The following HS3ST5 variants were observed in gnomAD, a reference collection of about 807,000 sequenced individuals.
HS3ST5 encodes heparan sulfate glucosamine 3-O-sulfotransferase 5.
HS3ST5 carries 10 observed loss-of-function variants against 25.4 expected under a neutral mutation model. The observed-to-expected ratio is 0.39, with a 90% CI of 0.24 to 0.67. HS3ST5 has a LOEUF of 0.67. Among genes scored for constraint, HS3ST5 ranks in the 30% least tolerant of loss-of-function variants. The pLI is 0.44. For synonymous variants in HS3ST5, 170 were observed against 162.4 expected (o/e 1.05, Z -0.36); for missense variants, 324 against 420.7 (o/e 0.77, Z 2.01).
Position 114,181,907 on chromosome 6 carries a change from C to T in HS3ST5, c.-144-13445G>A, listed in dbSNP as rs201714689. On this transcript the variant is annotated intron_variant, in intron 2 of 4. Transcript: ENST00000312719. ...GTATGTGTGTGTGTGTGTGTGTGTA[C>T]GCACGCACACACACGTAGACTATCT... Among the ~76,000 whole-genome samples the T allele has an allele frequency of 4.1e-4, 57 of 137,656 alleles. 1 individual carries two copies. Among genetic ancestry groups the T allele is most frequent in the African/African-American group, 1.4e-3 (54 of 39,542 alleles). 90.3% of individuals were successfully genotyped at this position (137,656 alleles called of 152,430 possible).
rs971848334 is a variant in HS3ST5 at position 114,342,375 on chromosome 6, C to T, written c.-519G>A. 29 of 180,626 alleles carry T rather than the reference C, an allele frequency of 1.6e-4. No individual in the cohort carries two copies. The East Asian group carries it at 4.2e-3, about 26-fold the overall frequency. 11.2% of individuals were successfully genotyped at this position (180,626 alleles called of 1,614,324 possible). On this transcript the variant is annotated 5_prime_UTR_variant, in exon 1 of 5. Coordinates refer to ENST00000312719, the MANE Select transcript of HS3ST5 (RefSeq NM_153612.4). Reference sequence around the variant, plus strand: ...CGTGAATGAGAGCAAACCAACAGGGCTGTGCGTGGCGCGTGTGAGTAAGAC... The same window carrying T: ...CGTGAATGAGAGCAAACCAACAGGGTTGTGCGTGGCGCGTGTGAGTAAGAC...
At chr6:114,135,513 A>C (rs1019721814) in intron 3 of HS3ST5, among the ~76,000 whole-genome samples, 2 of 152,142 alleles carry the variant, frequency 1.3e-5, no homozygotes, top group South Asian at 4.1e-4. Context: ...CGGAGCTGGA[A>C]CAGACAGGCG....
chr6:114,240,199 C>T (rs924857193), intron 1 of HS3ST5, among the ~76,000 whole-genome samples: 5 of 152,112 alleles, frequency 3.3e-5, no homozygotes, highest in African/African-American at 9.7e-5. Context: ...ATCAAAGTCC[C>T]CTGCACGCTT....
intron 1 of HS3ST5, among the ~76,000 whole-genome samples, chr6:114,275,468 A>G (rs1773812084): frequency 6.6e-6 from 1 of 152,054 alleles, no homozygotes; most frequent in Admixed American, 6.6e-5. Context: ...AAAGGGAATG[A>G]TTTAAGTGAC....
At chr6:114,315,578 G>C (rs1469698480) in intron 1 of HS3ST5, among the ~76,000 whole-genome samples, 1 of 152,080 alleles carries the variant, frequency 6.6e-6, no homozygotes, top group Non-Finnish European at 1.5e-5. Context: ...TATGTTAAAA[G>C]GATTCTTCAA....
chr6:114,068,290 G>A (rs12662029), intron 3 of HS3ST5, among the ~76,000 whole-genome samples: 25,492 of 152,042 alleles, frequency 0.17, 2,433 homozygotes, highest in African/African-American at 0.27. Flanking sequence ...AGGATGCCAA[G>A]CCAGAAGTTT....
At chr6:114,086,507 C>A (rs112176892) in intron 3 of HS3ST5, among the ~76,000 whole-genome samples, 1 of 152,110 alleles carries the variant, frequency 6.6e-6, no homozygotes, top group Admixed American at 6.5e-5. Flanking sequence ...AGATTCTTCC[C>A]GAGAGTCATC....
In HS3ST5 at chr6:114,304,408, G is replaced by A. The variant is rs553773116; in HGVS notation, c.-339+37787C>T. On this transcript the variant is annotated intron_variant, in intron 1 of 4. Coordinates refer to ENST00000312719, the MANE Select transcript of HS3ST5 (RefSeq NM_153612.4). Reference sequence around the variant, plus strand: ...TTCTCACAAAGCTTTGTGCTGCATAGTAAGTGCTGTGATTCTAGAACTCTC... The same window carrying A: ...TTCTCACAAAGCTTTGTGCTGCATAATAAGTGCTGTGATTCTAGAACTCTC... Among the ~76,000 whole-genome samples the A allele has an allele frequency of 2.0e-5, 3 of 152,166 alleles. No individual in the cohort carries two copies. In the South Asian group the frequency reaches 6.2e-4, roughly 32 times the overall value.
At chr6:114,225,213 T>A (rs1782237603) in intron 2 of HS3ST5, among the ~76,000 whole-genome samples, 1 of 151,820 alleles carries the variant, frequency 6.6e-6, no homozygotes, top group Non-Finnish European at 1.5e-5. Flanking sequence ...TGACTTATAG[T>A]CTCTTCTACA....
intron 1 of HS3ST5, among the ~76,000 whole-genome samples, chr6:114,253,670 C>T (rs1772768917): frequency 1.3e-5 from 2 of 152,170 alleles, no homozygotes; most frequent in African/African-American, 2.4e-5. Flanking sequence ...AATTAGAAGC[C>T]ACCGAAAATG....
intron 3 of HS3ST5, chr6:114,084,774 C>T: frequency 1.3e-6 from 1 of 757,430 alleles, no homozygotes; most frequent in Non-Finnish European, 2.4e-6. Context: ...GCTCCAGTGG[C>T]AGCAGCAAAC....
chr6:114,100,115 A>G (rs931960216), intron 3 of HS3ST5, among the ~76,000 whole-genome samples: 2 of 152,198 alleles, frequency 1.3e-5, no homozygotes, highest in Admixed American at 6.5e-5. Flanking sequence ...ACAATGATTT[A>G]TTCTAGGAGA....
At position 114,284,427 on chromosome 6, in the gene HS3ST5, C is replaced by T. The variant is rs114447008; in HGVS notation, c.-338-55649G>A. ...GAAACTAGTTATGAAATCTTTTATT[C>T]TCAAGTAATTGTGCTGAAGGTTGAG... is the stretch of plus-strand genomic sequence containing the variant. On this transcript the variant is annotated intron_variant, in intron 1 of 4. Transcript: ENST00000312719. Among the ~76,000 whole-genome samples, 1,074 of 151,788 alleles carry T rather than the reference C, an allele frequency of 7.1e-3. 14 individuals carry two copies. Among genetic ancestry groups the T allele is most frequent in the African/African-American group, 0.024 (1,001 of 41,374 alleles).
chr6:114,124,574 A>T (rs1776946237), intron 3 of HS3ST5, among the ~76,000 whole-genome samples: 1 of 150,148 alleles, frequency 6.7e-6, no homozygotes, highest in Non-Finnish European at 1.5e-5. Flanking sequence ...TTATATTAAT[A>T]CTTTTCCATT....
At chr6:114,336,018 C>G (rs1336544126) in intron 1 of HS3ST5, among the ~76,000 whole-genome samples, 1 of 152,158 alleles carries the variant, frequency 6.6e-6, no homozygotes, top group African/African-American at 2.4e-5. Context: ...TTTAATCAAG[C>G]TTAAGTCTTA....
chr6:114,242,066 C>G (rs927326799), intron 1 of HS3ST5, among the ~76,000 whole-genome samples: 3 of 152,102 alleles, frequency 2.0e-5, no homozygotes, highest in Non-Finnish European at 2.9e-5. Context: ...GCACCAAATT[C>G]AATTCGTAGT....
chr6:114,131,742 T>C (rs902356840), intron 3 of HS3ST5, among the ~76,000 whole-genome samples: 1 of 152,186 alleles, frequency 6.6e-6, no homozygotes, highest in Admixed American at 6.5e-5. Flanking sequence ...AAATAAAAAA[T>C]CCACAAATTT....
chr6:114,196,328 C>T (rs1307599932), intron 2 of HS3ST5, among the ~76,000 whole-genome samples: 10 of 152,192 alleles, frequency 6.6e-5, no homozygotes, highest in Admixed American at 4.6e-4. Context: ...CCAGTTTGTT[C>T]TTAGGATTTT....
chr6:114,215,867 G>A (rs1031186234), intron 2 of HS3ST5, among the ~76,000 whole-genome samples: 4 of 152,110 alleles, frequency 2.6e-5, no homozygotes, highest in Admixed American at 6.5e-5. Context: ...AGCTGTGACC[G>A]CTGATGAGTC....
Sources: gnomAD v4.1 joint callset for allele counts (sites outside exome capture counted in the v4.1 genomes callset) on GRCh38, gnomAD v4.1.1 for gene constraint, MANE v1.5 for transcripts, NCBI Gene and HGNC (gene_info 2026-07-23, HGNC 2026-07-21) for gene names.